Variants in LIN28B observed in about 807,000 individuals in gnomAD.
LIN28B encodes the protein protein lin-28 homolog B.
In LIN28B, 5 loss-of-function variants were observed where a neutral mutation model predicts 21.9. The ratio of observed to expected loss-of-function variants is 0.23; its 90% CI spans 0.12 to 0.48. The LOEUF (loss-of-function observed/expected upper bound fraction) is 0.48. Ranked by LOEUF, LIN28B falls within the 20% of genes least tolerant of loss-of-function variation. The pLI is 0.98. For synonymous variants in LIN28B, 109 were observed against 111.3 expected (o/e 0.98, Z 0.13); for missense variants, 245 against 310.5 (o/e 0.79, Z 1.58).
At chr6:105,067,226 ATAG>A (rs1241493977) in intron 3 of LIN28B, among the ~76,000 whole-genome samples, 1 of 152,196 alleles carries the variant, frequency 6.6e-6, no homozygotes, top group African/African-American at 2.4e-5. Flanking sequence ...TTCATAATTG[ATAG>A]TAGTACTAAC....
At chr6:105,074,120 G>T (rs1329447502) in intron 3 of LIN28B, among the ~76,000 whole-genome samples, 4 of 152,096 alleles carry the variant, frequency 2.6e-5, no homozygotes, top group African/African-American at 9.7e-5. Flanking sequence ...TAGTTCTAAA[G>T]GTCTAAACAA....
chr6:104,973,774 A>G (rs1003543738), intron 2 of LIN28B, among the ~76,000 whole-genome samples: 2 of 152,202 alleles, frequency 1.3e-5, no homozygotes, highest in African/African-American at 4.8e-5. Context: ...CTGTCTCTTT[A>G]GGTATTAGCA....
chr6:105,019,909 T>A (rs1771101353), intron 2 of LIN28B, among the ~76,000 whole-genome samples: 1 of 152,192 alleles, frequency 6.6e-6, no homozygotes, highest in South Asian at 2.1e-4. Context: ...AGTTTATGCC[T>A]CCTAGAGAAA....
At chr6:105,006,303 CTGTTTTGTTT>C (rs200814200) in intron 2 of LIN28B, among the ~76,000 whole-genome samples, 22 of 151,916 alleles carry the variant, frequency 1.4e-4, no homozygotes, top group East Asian at 5.8e-4. Flanking sequence ...TGGTTCTGTT[CTGTTTTGTTT>C]TGTTTTGTTT....
intron 3 of LIN28B, among the ~76,000 whole-genome samples, chr6:105,051,102 GTAAATA>G (rs1771892325): frequency 6.6e-6 from 1 of 151,058 alleles, no homozygotes; most frequent in Non-Finnish European, 1.5e-5. Context: ...AGACTAATAA[GTAAATA>G]TATCTAAAAG....
chr6:104,984,855 C>T (rs946468125), intron 2 of LIN28B, among the ~76,000 whole-genome samples: 6 of 152,156 alleles, frequency 3.9e-5, no homozygotes, highest in African/African-American at 1.4e-4. Flanking sequence ...TTTTTGAATA[C>T]TGTAGGAATA....
intron 2 of LIN28B, among the ~76,000 whole-genome samples, chr6:104,983,839 G>A (rs1001440113): frequency 2.0e-5 from 3 of 152,196 alleles, no homozygotes; most frequent in Non-Finnish European, 4.4e-5. Flanking sequence ...GCCTCCCAAA[G>A]TGCTGGAATT....
At chr6:104,999,779 CAA>C (rs1770683480) in intron 2 of LIN28B, among the ~76,000 whole-genome samples, 1 of 152,038 alleles carries the variant, frequency 6.6e-6, no homozygotes, top group Admixed American at 6.6e-5. Flanking sequence ...CTCCCGGGTT[CAA>C]GTGATTCTCC....
chr6:105,062,633 T>G (rs1772144455), intron 3 of LIN28B, among the ~76,000 whole-genome samples: 1 of 152,190 alleles, frequency 6.6e-6, no homozygotes, highest in African/African-American at 2.4e-5. Context: ...TGAATGCAAG[T>G]AATTCTGCAT....
At chr6:105,024,914 A>G (rs1040569205) in intron 2 of LIN28B, among the ~76,000 whole-genome samples, 7 of 152,210 alleles carry the variant, frequency 4.6e-5, no homozygotes, top group African/African-American at 1.4e-4. Context: ...TCTGGGATCA[A>G]TTAGGTCAGG....
intron 3 of LIN28B, among the ~76,000 whole-genome samples, chr6:105,076,727 C>G (rs1344853202): frequency 6.6e-6 from 1 of 151,832 alleles, no homozygotes; most frequent in East Asian, 2.0e-4. Flanking sequence ...GCCTCAGCCT[C>G]CCGAGTAGCT....
chr6:104,995,674 G>C (rs1220102887), intron 2 of LIN28B, among the ~76,000 whole-genome samples: 1 of 152,154 alleles, frequency 6.6e-6, no homozygotes, highest in Non-Finnish European at 1.5e-5. Flanking sequence ...CATAGTGATA[G>C]AAAGATATAA....
intron 3 of LIN28B, among the ~76,000 whole-genome samples, chr6:105,051,609 A>G (rs529729035): frequency 9.9e-5 from 15 of 152,112 alleles, no homozygotes; most frequent in African/African-American, 3.6e-4. Context: ...TGTAATCTCC[A>G]TGAGAACAAG....
At chr6:104,974,158 CTGTT>C (rs1183897720) in intron 2 of LIN28B, among the ~76,000 whole-genome samples, 7 of 152,098 alleles carry the variant, frequency 4.6e-5, no homozygotes, top group East Asian at 3.9e-4. Flanking sequence ...CTTAGAAAGA[CTGTT>C]TGTGAAGTTG....
At chr6:105,018,577 A>T (rs759694591) in intron 2 of LIN28B, among the ~76,000 whole-genome samples, 3 of 152,080 alleles carry the variant, frequency 2.0e-5, no homozygotes, top group Non-Finnish European at 4.4e-5. Context: ...TGTATTATTC[A>T]TTTCATAATT....
chr6:105,018,987 C>G (rs1159105413), intron 2 of LIN28B, among the ~76,000 whole-genome samples: 2 of 151,324 alleles, frequency 1.3e-5, no homozygotes, highest in East Asian at 3.9e-4. Flanking sequence ...CTCTTGTTGC[C>G]CAGTCTGGAG....
intron 2 of LIN28B, among the ~76,000 whole-genome samples, chr6:104,983,133 C>T (rs1205849170): frequency 1.3e-5 from 2 of 152,078 alleles, no homozygotes; most frequent in Non-Finnish European, 2.9e-5. Context: ...TTTTACAAAG[C>T]CAGAGACATA....
At chr6:104,966,073 G>T (rs1381974725) in intron 2 of LIN28B, among the ~76,000 whole-genome samples, 1 of 152,126 alleles carries the variant, frequency 6.6e-6, no homozygotes, top group Non-Finnish European at 1.5e-5. Flanking sequence ...CTGTTAGGAG[G>T]ATTACATGTT....
chr6:104,999,186 C>CTAGA (rs1770671503), intron 2 of LIN28B, among the ~76,000 whole-genome samples: 1 of 152,116 alleles, frequency 6.6e-6, no homozygotes, highest in African/African-American at 2.4e-5. Flanking sequence ...GAGGTGGGGG[C>CTAGA]TAGAGTTCAG....
Sources: gnomAD v4.1 joint callset for allele counts (sites outside exome capture counted in the v4.1 genomes callset) on GRCh38, gnomAD v4.1.1 for gene constraint, MANE v1.5 for transcripts, NCBI Gene and HGNC (gene_info 2026-07-23, HGNC 2026-07-21) for gene names.